The following RAP1GDS1 variants were observed in gnomAD, a reference collection of about 807,000 sequenced individuals.
The protein encoded by RAP1GDS1 is Rap1 GTPase-GDP dissociation stimulator 1.
A neutral mutation model predicts 71.1 loss-of-function variants in RAP1GDS1; 35 were observed. The ratio of observed to expected loss-of-function variants is 0.49; its 90% CI spans 0.38 to 0.65. The LOEUF (loss-of-function observed/expected upper bound fraction) is 0.65, where lower values mean the gene tolerates loss of function less well. Ranked by LOEUF, RAP1GDS1 falls within the 30% of genes least tolerant of loss-of-function variation. RAP1GDS1 has a pLI of 0.00. For synonymous variants in RAP1GDS1, 229 were observed against 243.1 expected, an observed-to-expected ratio of 0.94 and a Z score of 0.54; for missense variants, 663 against 706.1, an observed-to-expected ratio of 0.94 and a Z score of 0.69.
At chr4:98,310,991 A>G (rs369106488) in intron 2 of RAP1GDS1, among the ~76,000 whole-genome samples, 3 of 152,304 alleles carry the variant, frequency 2.0e-5, no homozygotes, top group African/African-American at 7.2e-5. Context: ...AATTATTTGG[A>G]AAGATTGTTA....
At chr4:98,400,021 C>G (rs1745139820) in intron 6 of RAP1GDS1, among the ~76,000 whole-genome samples, 1 of 151,974 alleles carries the variant, frequency 6.6e-6, no homozygotes, top group Non-Finnish European at 1.5e-5. Flanking sequence ...GGCATGGTGG[C>G]ACAGGTGTAT....
intron 1 of RAP1GDS1, among the ~76,000 whole-genome samples, chr4:98,280,203 G>A (rs545259015): frequency 1.3e-5 from 2 of 152,302 alleles, no homozygotes; most frequent in Admixed American, 1.3e-4. Flanking sequence ...CACAATGGTT[G>A]AACTAGTTTA....
chr4:98,372,495 A>C (rs912390949), intron 4 of RAP1GDS1, among the ~76,000 whole-genome samples: 1 of 152,024 alleles, frequency 6.6e-6, no homozygotes. Context: ...CCACTTTGTA[A>C]GTTTTTAGTG....
At chr4:98,411,103 A>G (rs1482482013) in intron 7 of RAP1GDS1, among the ~76,000 whole-genome samples, 1 of 152,232 alleles carries the variant, frequency 6.6e-6, no homozygotes, top group African/African-American at 2.4e-5. Flanking sequence ...TGATGCATAC[A>G]TGATACATAC....
intron 6 of RAP1GDS1, among the ~76,000 whole-genome samples, chr4:98,401,508 T>A (rs1216806778): frequency 6.6e-6 from 1 of 152,174 alleles, no homozygotes; most frequent in East Asian, 1.9e-4. Flanking sequence ...AAGTAAACAG[T>A]ATGAATTAGC....
chr4:98,313,657 C>T (rs1037340047), intron 2 of RAP1GDS1, among the ~76,000 whole-genome samples: 1 of 151,986 alleles, frequency 6.6e-6, no homozygotes, highest in Non-Finnish European at 1.5e-5. Flanking sequence ...TCAGCCTGGG[C>T]AACATAGTGA....
chr4:98,373,664 C>A lies in RAP1GDS1; in HGVS notation c.362-5353C>A, dbSNP rs545606053. On this transcript the variant is annotated intron_variant, in intron 4 of 14. Transcript: ENST00000408927. ...TACATTCTGAGACCCTCAGTGGACA[C>A]TTGAAACCAAAGGTAGTACCAAACC... Among the ~76,000 whole-genome samples, 7 of 152,270 alleles carry A rather than the reference C, an allele frequency of 4.6e-5. No individual in the cohort carries two copies. The South Asian group carries it at 1.4e-3, about 32-fold the overall frequency.
intron 2 of RAP1GDS1, among the ~76,000 whole-genome samples, chr4:98,336,218 T>C (rs1356935755): frequency 1.3e-5 from 2 of 152,176 alleles, no homozygotes; most frequent in Non-Finnish European, 2.9e-5. Flanking sequence ...TGGTGAACAA[T>C]CTAGTTATAT....
intron 4 of RAP1GDS1, among the ~76,000 whole-genome samples, chr4:98,374,721 T>C (rs1740909655): frequency 6.6e-6 from 1 of 152,170 alleles, no homozygotes. Context: ...TGCAGTATGT[T>C]CTTCAAATTC....
chr4:98,268,860 T>G (rs550608690), intron 1 of RAP1GDS1, among the ~76,000 whole-genome samples: 1 of 152,156 alleles, frequency 6.6e-6, no homozygotes, highest in Non-Finnish European at 1.5e-5. Flanking sequence ...AGAATTAATA[T>G]TGTTACAATG....
chr4:98,419,932 A>T, intron 10 of RAP1GDS1, 87 bp from the exon 11 acceptor site: 1 of 1,233,612 alleles, frequency 8.1e-7, no homozygotes. Flanking sequence ...ATGGATCTTA[A>T]AGATACTTAA....
intron 6 of RAP1GDS1, among the ~76,000 whole-genome samples, chr4:98,393,758 C>CA (rs1486469002): frequency 6.6e-6 from 1 of 152,070 alleles, no homozygotes; most frequent in African/African-American, 2.4e-5. Flanking sequence ...ATAAAATACA[C>CA]AATCGATTTC....
At chr4:98,273,621 A>G (rs1208024082) in intron 1 of RAP1GDS1, among the ~76,000 whole-genome samples, 1 of 152,194 alleles carries the variant, frequency 6.6e-6, no homozygotes, top group East Asian at 1.9e-4. Context: ...GCAGACCTGT[A>G]ATGCAGTTTT....
At chr4:98,369,666 CAG>C (rs1740063041) in intron 4 of RAP1GDS1, among the ~76,000 whole-genome samples, 1 of 152,114 alleles carries the variant, frequency 6.6e-6, no homozygotes, top group South Asian at 2.1e-4. Context: ...TGACAGAAAA[CAG>C]TGGTTACCTG....
intron 2 of RAP1GDS1, among the ~76,000 whole-genome samples, chr4:98,307,491 G>C (rs956819575): frequency 6.6e-6 from 1 of 152,030 alleles, no homozygotes; most frequent in Non-Finnish European, 1.5e-5. Context: ...TCAATATTTT[G>C]TCTGCCAATC....
intron 2 of RAP1GDS1, among the ~76,000 whole-genome samples, chr4:98,339,087 A>T (rs1448751585): frequency 6.6e-6 from 1 of 152,194 alleles, no homozygotes; most frequent in Non-Finnish European, 1.5e-5. Context: ...CTCATATGAC[A>T]TTATAGGCTG....
At chr4:98,374,929 C>T (rs1051076789) in intron 4 of RAP1GDS1, among the ~76,000 whole-genome samples, 1 of 152,026 alleles carries the variant, frequency 6.6e-6, no homozygotes, top group Non-Finnish European at 1.5e-5. Context: ...AGAGCAAAAT[C>T]CCATTTCTAA....
At chr4:98,378,775 A>G (rs1036990168) in intron 4 of RAP1GDS1, among the ~76,000 whole-genome samples, 1 of 151,956 alleles carries the variant, frequency 6.6e-6, no homozygotes, top group Admixed American at 6.6e-5. Context: ...GTAAGCTCCT[A>G]TATGATGCCA....
intron 2 of RAP1GDS1, among the ~76,000 whole-genome samples, chr4:98,338,743 T>A (rs770897812): frequency 6.6e-6 from 1 of 152,246 alleles, no homozygotes; most frequent in South Asian, 2.1e-4. Context: ...CCTAATAGAG[T>A]CTTAGTAATA....
Sources: gnomAD v4.1 joint callset for allele counts (sites outside exome capture counted in the v4.1 genomes callset) on GRCh38, gnomAD v4.1.1 for gene constraint, MANE v1.5 for transcripts, NCBI Gene and HGNC (gene_info 2026-07-23, HGNC 2026-07-21) for gene names.